TTC6: variants seen among roughly 807,000 people sequenced by gnomAD.
TTC6 encodes the protein tetratricopeptide repeat domain 6, also known as tetratricopeptide repeat protein 6.
Under a neutral mutation model 210.4 loss-of-function variants are expected in TTC6, and 172 were observed. That is an observed-to-expected ratio of 0.82 (90% confidence interval 0.72 to 0.93). The LOEUF (loss-of-function observed/expected upper bound fraction) is 0.93. Among genes scored for constraint, TTC6 ranks in the 40% least tolerant of loss-of-function variants. The probability of loss-of-function intolerance (pLI) is 0.00; values close to 1 mark genes in which losing one functional copy is unlikely to be tolerated. For synonymous variants in TTC6, 804 were observed against 819.6 expected, an observed-to-expected ratio of 0.98 and a Z score of 0.32; for missense variants, 2,414 against 2,318.1, an observed-to-expected ratio of 1.04 and a Z score of -0.85.
chr14:37,710,886 T>C (rs550046264), intron 5 of TTC6, among the ~76,000 whole-genome samples: 1 of 152,030 alleles, frequency 6.6e-6, no homozygotes, highest in African/African-American at 2.4e-5. Context: ...TAGATTTGAT[T>C]TCATCCCAGG....
chr14:37,832,088 C>G (rs1389249802), intron 29 of TTC6, among the ~76,000 whole-genome samples: 1 of 152,030 alleles, frequency 6.6e-6, no homozygotes, highest in East Asian at 1.9e-4. Context: ...ACAGTTAAGT[C>G]TAATCCATTT....
chr14:37,663,378 G>T (rs1368346419), intron 1 of TTC6, among the ~76,000 whole-genome samples: 1 of 152,072 alleles, frequency 6.6e-6, no homozygotes, highest in East Asian at 1.9e-4. Context: ...AAAATTAAAT[G>T]ACTGTGGAAA....
rs746372047 is a variant in TTC6, at chr14:37,806,479, G to A, written c.4283G>A (p.Arg1428His). The A allele has an allele frequency of 3.0e-5, 46 of 1,534,188 alleles. No homozygotes were observed. In the African/African-American group the frequency reaches 4.4e-4, roughly 15 times the overall value. ...GATAGCTCGATTCTGGATTTTAATC[G>A]TGCAATTACCCTCAATCCAAAACAT... The change falls in exon 22 of 31, where the codon CGT becomes CAT. Residue 1428 changes from arginine (R) to histidine (H), a missense_variant. Transcript: ENST00000553443.
At chr14:37,665,374 A>G (rs2095745893) in intron 1 of TTC6, among the ~76,000 whole-genome samples, 1 of 150,604 alleles carries the variant, frequency 6.6e-6, no homozygotes, top group South Asian at 2.1e-4. Context: ...GAAAGCCTTT[A>G]TCCTCAGCAA....
intron 20 of TTC6, among the ~76,000 whole-genome samples, chr14:37,801,094 C>G (rs1205966017): frequency 1.3e-5 from 2 of 152,234 alleles, no homozygotes; most frequent in African/African-American, 4.8e-5. Flanking sequence ...TTCCATTTTC[C>G]CCTTTTTAAA....
At chr14:37,759,947 T>C (rs1468948580) in intron 14 of TTC6, among the ~76,000 whole-genome samples, 1 of 152,222 alleles carries the variant, frequency 6.6e-6, no homozygotes, top group Admixed American at 6.5e-5. Context: ...GGTTAGAATA[T>C]GCTCCTTCAG....
chr14:37,812,318 T>C, exon 25 of TTC6: 4 of 1,610,916 alleles, frequency 2.5e-6, no homozygotes, highest in Non-Finnish European at 3.4e-6. Flanking sequence ...TTTTAGGCAT[T>C]AACAGATTAT....
At chr14:37,832,235 T>G (rs1201743418) in intron 29 of TTC6, among the ~76,000 whole-genome samples, 1 of 151,834 alleles carries the variant, frequency 6.6e-6, no homozygotes, top group African/African-American at 2.4e-5. Flanking sequence ...GTTTTGTTTA[T>G]CTTTACAAAA....
chr14:37,797,038 T>A, intron 20 of TTC6, 91 bp downstream of exon 22: 1 of 1,174,442 alleles, frequency 8.5e-7, no homozygotes, highest in Non-Finnish European at 1.1e-6. Context: ...TTTCACAAAA[T>A]TAAGTCATAC....
chr14:37,620,772 A>T (rs1243395498), upstream of TTC6, among the ~76,000 whole-genome samples: 1 of 152,134 alleles, frequency 6.6e-6, no homozygotes, highest in Admixed American at 6.6e-5. Context: ...CATTAGGCTG[A>T]CTCAAAGTCC....
intron 22 of TTC6, 106 bp from the exon 25 acceptor site, chr14:37,807,213 TA>T (rs2096120179): frequency 3.4e-5 from 35 of 1,039,788 alleles, no homozygotes; most frequent in Non-Finnish European, 4.4e-5. Context: ...TATATTTTAA[TA>T]CCCTTTTTGG....
rs2095780197 is a variant in TTC6 at position 37,680,238 on chromosome 14, A to T, written c.1027A>T (p.Met343Leu). ...GATACAAGCAGAGTATAAATTCCAG[A>T]TGGGTGCTGAGGAATCGCAAATGGT... The change falls in exon 2 of 31, where the codon ATG (methionine) becomes TTG (leucine). Residue 343 changes from methionine to leucine, a missense_variant. Transcript: ENST00000553443. 4 of 1,533,558 alleles carry T rather than the reference A, an allele frequency of 2.6e-6. No homozygotes were observed. In the African/African-American group the frequency reaches 5.5e-5, roughly 21 times the overall value. The allele number at this position is 1,533,558 out of a possible 1,614,324, so 95.0% of individuals were successfully genotyped here. A position where few individuals can be genotyped will look rare whatever the true frequency, so the allele number is the denominator to read the frequency against.
At chr14:37,669,951 C>T (rs1467891631) in intron 1 of TTC6, among the ~76,000 whole-genome samples, 5 of 152,108 alleles carry the variant, frequency 3.3e-5, no homozygotes, top group East Asian at 1.9e-4. Flanking sequence ...ATCATTTCCT[C>T]TCCCAGATCC....
chr14:37,683,398 C>G (rs1403598241), intron 3 of TTC6, among the ~76,000 whole-genome samples: 2 of 152,082 alleles, frequency 1.3e-5, no homozygotes. Flanking sequence ...TTCATTTTAT[C>G]CATTGTTTAC....
chr14:37,701,288 C>T, intron 4 of TTC6, 44 bp from the exon 7 acceptor site: 1 of 1,295,400 alleles, frequency 7.7e-7, no homozygotes, highest in Non-Finnish European at 9.9e-7. Context: ...TATCTAAAGT[C>T]CACAAAATGA....
chr14:37,800,397 A>T (rs1400448194), intron 20 of TTC6, among the ~76,000 whole-genome samples: 2 of 152,184 alleles, frequency 1.3e-5, no homozygotes, highest in East Asian at 3.8e-4. Context: ...AAGTGTGAGA[A>T]AGGAGAGATA....
chr14:37,836,741 T>A (rs1014589789), intron 29 of TTC6, among the ~76,000 whole-genome samples: 1 of 152,172 alleles, frequency 6.6e-6, no homozygotes, highest in Non-Finnish European at 1.5e-5. Context: ...AGAAAATGGC[T>A]TCTATTCCCT....
rs149567010 is a variant in TTC6, at chr14:37,653,574, G to C, written c.940-26577G>C. On this transcript the variant is annotated intron_variant, in intron 1 of 30. Coordinates refer to ENST00000553443, the Ensembl canonical transcript of TTC6. ...TCATGTTTAACACTTGCTGTCTTCTGCTATGGTCGGGGAGAGATGTTACTG... is the reference window on the plus strand; with the variant it reads ...TCATGTTTAACACTTGCTGTCTTCTCCTATGGTCGGGGAGAGATGTTACTG... 2.5e-3 allele frequency among the ~76,000 whole-genome samples: 381 copies of C among 150,396 alleles called. 4 individuals carry two copies. The highest frequency in any genetic ancestry group is 8.9e-3 in the African/African-American group (355 of 39,794).
intron 29 of TTC6, among the ~76,000 whole-genome samples, chr14:37,841,095 C>G (rs577579659): frequency 6.6e-6 from 1 of 152,170 alleles, no homozygotes; most frequent in African/African-American, 2.4e-5. Flanking sequence ...TCTCGAACTC[C>G]TGACCTCAGG....
Sources: allele counts gnomAD v4.1 joint callset (sites outside exome capture counted in the v4.1 genomes callset), GRCh38; gene constraint gnomAD v4.1.1; transcripts MANE v1.5; gene names NCBI Gene and HGNC (gene_info 2026-07-23, HGNC 2026-07-21).